KREMEN1: variants seen among roughly 807,000 people sequenced by gnomAD.
KREMEN1 encodes the protein kringle containing transmembrane protein 1.
A neutral mutation model predicts 46.5 loss-of-function variants in KREMEN1; 30 were observed. The ratio of observed to expected loss-of-function variants is 0.65; its 90% CI spans 0.48 to 0.88. The LOEUF (loss-of-function observed/expected upper bound fraction) is 0.88, where lower values mean the gene tolerates loss of function less well. Among genes scored for constraint, KREMEN1 ranks in the 40% least tolerant of loss-of-function variants. The pLI, the probability that KREMEN1 is intolerant of heterozygous loss-of-function variation, is 0.00. For synonymous variants in KREMEN1, 214 were observed against 230.6 expected (o/e 0.93, Z 0.65); for missense variants, 533 against 596.9 (o/e 0.89, Z 1.11).
intron 5 of KREMEN1, among the ~76,000 whole-genome samples, chr22:29,126,673 A>G (rs552810468): frequency 1.3e-5 from 2 of 152,304 alleles, no homozygotes; most frequent in African/African-American, 4.8e-5. Flanking sequence ...GCCACTATAT[A>G]TATGGTGACT....
chr22:29,107,456 G>A (rs1201718935), intron 3 of KREMEN1, among the ~76,000 whole-genome samples: 2 of 151,946 alleles, frequency 1.3e-5, no homozygotes, highest in African/African-American at 4.8e-5. Flanking sequence ...TCCTGACCTT[G>A]TGATTCGCCT....
downstream of KREMEN1, among the ~76,000 whole-genome samples, chr22:29,150,243 C>T (rs1440597725): frequency 1.6e-4 from 25 of 152,144 alleles, no homozygotes; most frequent in East Asian, 4.1e-3. Flanking sequence ...CAGTGCCTGC[C>T]GGACTGAACA....
At chr22:29,115,297 C>T (rs145699150) in intron 3 of KREMEN1, among the ~76,000 whole-genome samples, 91 of 152,188 alleles carry the variant, frequency 6.0e-4, no homozygotes, top group Non-Finnish European at 8.5e-4. Context: ...AAGGTGGGAA[C>T]GGGGTGAGGG....
At chr22:29,154,027 G>A (rs1037978463) in intron 9 of KREMEN1, among the ~76,000 whole-genome samples, 1 of 151,860 alleles carries the variant, frequency 6.6e-6, no homozygotes, top group Non-Finnish European at 1.5e-5. Context: ...GGGTTGTTGT[G>A]AAGATTAAAT....
intron 9 of KREMEN1, among the ~76,000 whole-genome samples, chr22:29,161,239 G>C (rs1283703592): frequency 6.6e-6 from 1 of 152,148 alleles, no homozygotes; most frequent in African/African-American, 2.4e-5. Flanking sequence ...CAGGCGTGGT[G>C]GCTCATGCCT....
intron 5 of KREMEN1, among the ~76,000 whole-genome samples, chr22:29,132,750 G>T (rs964608041): frequency 4.6e-5 from 7 of 152,038 alleles, no homozygotes; most frequent in African/African-American, 1.7e-4. Flanking sequence ...TTCAGCTATT[G>T]TTCGAAAAAG....
chr22:29,149,195 G>C (rs531844679), downstream of KREMEN1, among the ~76,000 whole-genome samples: 1 of 148,710 alleles, frequency 6.7e-6, no homozygotes, highest in African/African-American at 2.6e-5. Context: ...ACGGAGTCTC[G>C]CTCTGTCTCC....
intron 1 of KREMEN1, among the ~76,000 whole-genome samples, chr22:29,080,347 T>G (rs1438072766): frequency 6.6e-6 from 1 of 152,232 alleles, no homozygotes; most frequent in Non-Finnish European, 1.5e-5. Context: ...CCTTTTCAGC[T>G]GAGAATCACT....
chr22:29,100,697 T>C (rs2145774891), intron 3 of KREMEN1, among the ~76,000 whole-genome samples: 2 of 152,298 alleles, frequency 1.3e-5, no homozygotes, highest in East Asian at 1.9e-4. Flanking sequence ...AAAAAAGCAG[T>C]TAACAGTGAA....
At chr22:29,140,556 A>G (rs932895616) in intron 8 of KREMEN1, among the ~76,000 whole-genome samples, 190 bp downstream of exon 8, 1 of 152,156 alleles carries the variant, frequency 6.6e-6, no homozygotes, top group African/African-American at 2.4e-5. Context: ...GACAAATCTC[A>G]TTAAGGTTTC....
rs2123912722 is a variant in KREMEN1 at position 29,073,417 on chromosome 22, A to G, written c.97+190A>G. Among the ~76,000 whole-genome samples, 1 of 151,218 alleles carries G rather than the reference A, an allele frequency of 6.6e-6. No homozygotes were observed. The highest frequency in any genetic ancestry group is 2.1e-4 in the South Asian group (1 of 4,774). ...GACCCGGGCTACCCCCAGGCCCGTCATCGACGCCCCCGGGCCCGGTACTGT... is the reference window on the plus strand; with the variant it reads ...GACCCGGGCTACCCCCAGGCCCGTCGTCGACGCCCCCGGGCCCGGTACTGT... On this transcript the variant is annotated intron_variant, in intron 1 of 8. Transcript: ENST00000400335. This position sits in a 1 kb window ranked among gnomAD's most constrained non-coding sequence, Gnocchi z 4.4.
downstream of KREMEN1, among the ~76,000 whole-genome samples, chr22:29,149,430 G>GTAT (rs2038898767): frequency 1.3e-5 from 2 of 152,144 alleles, no homozygotes. Flanking sequence ...CAAAGTGCTG[G>GTAT]TATTACAGGC....
intron 1 of KREMEN1, among the ~76,000 whole-genome samples, chr22:29,081,310 CTG>C (rs1015844751): frequency 2.0e-5 from 3 of 152,272 alleles, no homozygotes; most frequent in Middle Eastern, 3.4e-3. Context: ...CTGTGATTCA[CTG>C]TGTCTTTTTA....
intron 5 of KREMEN1, among the ~76,000 whole-genome samples, chr22:29,132,795 G>T (rs982807302): frequency 6.6e-6 from 1 of 152,120 alleles, no homozygotes; most frequent in Non-Finnish European, 1.5e-5. Context: ...AGTAATTTTT[G>T]CTGGGTATTG....
intron 3 of KREMEN1, among the ~76,000 whole-genome samples, chr22:29,118,902 C>T (rs988125421): frequency 6.6e-6 from 1 of 152,310 alleles, no homozygotes; most frequent in Admixed American, 6.5e-5. Context: ...CTCAGTCCCA[C>T]AAGACTGCCC....
At chr22:29,115,436 A>AT in intron 3 of KREMEN1, among the ~76,000 whole-genome samples, 1 of 77,020 alleles carries the variant, frequency 1.3e-5, no homozygotes, top group East Asian at 2.9e-4. Context: ...CTATGGAAAT[A>AT]AAAAAAAAAA....
intron 3 of KREMEN1, among the ~76,000 whole-genome samples, chr22:29,114,915 T>C (rs539808828): frequency 5.3e-5 from 8 of 152,330 alleles, no homozygotes; most frequent in Admixed American, 4.6e-4. Flanking sequence ...TAAGATAAAA[T>C]GTTAAGTTTT....
At chr22:29,083,363 A>G (rs561727561) in intron 1 of KREMEN1, among the ~76,000 whole-genome samples, 1 of 152,332 alleles carries the variant, frequency 6.6e-6, no homozygotes, top group South Asian at 2.1e-4. Context: ...GACTATTTGA[A>G]TGAGTCCATT....
chr22:29,131,415 A>G (rs2038530589), intron 5 of KREMEN1, among the ~76,000 whole-genome samples: 3 of 150,106 alleles, frequency 2.0e-5, no homozygotes, highest in Admixed American at 2.0e-4. Context: ...TAAGCAATCG[A>G]GATTAGGACT....
Sources: allele counts gnomAD v4.1 joint callset (sites outside exome capture counted in the v4.1 genomes callset), GRCh38; gene constraint gnomAD v4.1.1; non-coding constraint Gnocchi (gnomAD v3.1); transcripts MANE v1.5; gene names NCBI Gene and HGNC (gene_info 2026-07-23, HGNC 2026-07-21).